The following C3orf22 variants were observed in gnomAD, a reference collection of about 807,000 sequenced individuals.
C3orf22 encodes chromosome 3 open reading frame 22.
Under a neutral mutation model 10.8 loss-of-function variants are expected in C3orf22, and 7 were observed. The ratio of observed to expected loss-of-function variants is 0.65; its 90% confidence interval spans 0.37 to 1.22. The LOEUF is 1.22. Ranked by LOEUF, C3orf22 falls within the 50% of genes most tolerant of loss-of-function variation. The pLI, the probability that C3orf22 is intolerant of heterozygous loss-of-function variation, is 0.02. For synonymous variants in C3orf22, 79 were observed against 78.9 expected (o/e 1.00, Z 0.00); for missense variants, 173 against 177.0 (o/e 0.98, Z 0.13).
At chr3:126,556,016 G>C (rs576106114) in intron 1 of C3orf22, among the ~76,000 whole-genome samples, 1 of 152,234 alleles carries the variant, frequency 6.6e-6, no homozygotes, top group Non-Finnish European at 1.5e-5. Context: ...ACCACACCCT[G>C]TCCCATCCTA....
chr3:126,531,138 C>T (rs891878992), intron 4 of C3orf22, among the ~76,000 whole-genome samples: 3 of 152,300 alleles, frequency 2.0e-5, no homozygotes, highest in African/African-American at 7.2e-5. Context: ...GGTGTCAAAG[C>T]ACGCTCCCAG....
chr3:126,550,998 G>C (rs79473058), intron 3 of C3orf22, among the ~76,000 whole-genome samples: 1 of 152,244 alleles, frequency 6.6e-6, no homozygotes, highest in Non-Finnish European at 1.5e-5. Context: ...GCTTCAGCTC[G>C]GCGATGTGGG....
rs781562956 is a variant in C3orf22, at chr3:126,542,429, C to T, written c.286+7108G>A. 1.4e-5 allele frequency: 22 copies of T among 1,554,790 alleles called. No individual in the cohort carries two copies. The highest frequency in any genetic ancestry group is 1.7e-5 in the Non-Finnish European group (20 of 1,152,992). ...CGACCTGAGCTTCCCTGGGCCGCCG[C>T]GGCCCCGGGGAGCCGCCGCCTCCCG... On this transcript the variant is annotated intron_variant and NMD_transcript_variant, in intron 4 of 5. Coordinates refer to the C3orf22 transcript ENST00000505070.
chr3:126,534,584 G>C (rs1238228870), intron 4 of C3orf22, among the ~76,000 whole-genome samples: 3 of 150,670 alleles, frequency 2.0e-5, no homozygotes, highest in Non-Finnish European at 4.4e-5. Flanking sequence ...GACACACACA[G>C]AGAGCATCTC....
intron 1 of C3orf22, among the ~76,000 whole-genome samples, chr3:126,557,139 C>T (rs1218574534): frequency 6.6e-6 from 1 of 152,152 alleles, no homozygotes; most frequent in Non-Finnish European, 1.5e-5. Context: ...CAGACTCACA[C>T]TCAGACCTGA....
chr3:126,530,057 C>A (rs1349419189), intron 4 of C3orf22, among the ~76,000 whole-genome samples: 6 of 152,198 alleles, frequency 3.9e-5, no homozygotes, highest in Admixed American at 3.9e-4. Flanking sequence ...CTGTTTGGGG[C>A]CAGCCCCCAG....
In C3orf22 at chr3:126,542,081, T is replaced by C. The variant is rs761634639; in HGVS notation, c.286+7456A>G. The C allele has an allele frequency of 2.5e-6, 4 of 1,584,104 alleles. No homozygotes were observed. The African/African-American group carries it at 4.1e-5, about 16-fold the overall frequency. On this transcript the variant is annotated intron_variant and NMD_transcript_variant, in intron 4 of 5. Coordinates refer to the C3orf22 transcript ENST00000505070. ...GGCCTTCCTGTTCGTGCGGGAGCCC[T>C]TCGAGCGCCTGGCATCGGCTTACCG...
chr3:126,547,776 T>A (rs4679125), downstream of C3orf22, among the ~76,000 whole-genome samples: 1 of 152,098 alleles, frequency 6.6e-6, no homozygotes. Flanking sequence ...TATCATGGGT[T>A]GGGGAGGGGA....
chr3:126,541,376 GCCTCCTGC>G, intron 4 of C3orf22, among the ~76,000 whole-genome samples: 1 of 152,176 alleles, frequency 6.6e-6, no homozygotes, highest in East Asian at 1.9e-4. Flanking sequence ...TTCTTATGCA[GCCTCCTGC>G]TTTTAGTAAA....
intron 1 of C3orf22, 27 bp from the exon 2 acceptor site, chr3:126,553,457 G>T (rs1392831633): frequency 1.6e-5 from 23 of 1,395,822 alleles, no homozygotes; most frequent in African/African-American, 1.4e-5. Flanking sequence ...GGCGTCAGAG[G>T]GGGCAGGGGT....
intron 4 of C3orf22, among the ~76,000 whole-genome samples, chr3:126,530,079 A>C (rs3732537): frequency 0.057 from 8,702 of 152,292 alleles, 272 homozygotes; most frequent in South Asian, 0.11. Flanking sequence ...TGGCCAAGTC[A>C]GGATTGGACC....
exon 5 of C3orf22, chr3:126,529,299 CT>C: frequency 3.1e-6 from 4 of 1,287,344 alleles, no homozygotes; most frequent in Non-Finnish European, 4.1e-6. Context: ...ATCGCATGGC[CT>C]TGAGCAGCTC....
chr3:126,536,131 C>A, intron 4 of C3orf22: 1 of 658,590 alleles, frequency 1.5e-6, no homozygotes. Context: ...CTCCACCAAG[C>A]CCCTAGGAGG....
Position 126,533,355 on chromosome 3 carries a change from G to A in C3orf22, c.287-3983C>T, listed in dbSNP as rs75191228. ...GTCTTTCACTATTAAGTTATCTGAGGGTTTTTCGTTGATGCCCTTTATCAG... is the reference window on the plus strand; with the variant it reads ...GTCTTTCACTATTAAGTTATCTGAGAGTTTTTCGTTGATGCCCTTTATCAG... On this transcript the variant is annotated intron_variant and NMD_transcript_variant, in intron 4 of 5. Coordinates refer to the C3orf22 transcript ENST00000505070. 1.3e-4 allele frequency among the ~76,000 whole-genome samples: 20 copies of A among 152,164 alleles called. No individual in the cohort carries two copies. In the East Asian group the frequency reaches 3.9e-3, roughly 29 times the overall value.
At chr3:126,553,945 T>C (rs192139633) in intron 1 of C3orf22, among the ~76,000 whole-genome samples, 18 of 152,228 alleles carry the variant, frequency 1.2e-4, no homozygotes, top group African/African-American at 4.3e-4. Flanking sequence ...CAGATGTAAG[T>C]TTTTGCATGA....
chr3:126,539,617 C>T (rs1311540526), intron 4 of C3orf22, among the ~76,000 whole-genome samples: 14 of 142,480 alleles, frequency 9.8e-5, no homozygotes, highest in African/African-American at 2.6e-4. Flanking sequence ...CCACACCACA[C>T]ACACAGCACA....
At chr3:126,550,744 C>T (rs1937163142) in intron 3 of C3orf22, among the ~76,000 whole-genome samples, 1 of 152,192 alleles carries the variant, frequency 6.6e-6, no homozygotes, top group Non-Finnish European at 1.5e-5. Context: ...GGGACCAACT[C>T]CCTGCTGTGG....
At chr3:126,542,432 C>T (rs1177269058) in intron 4 of C3orf22, 4 of 1,557,460 alleles carry the variant, frequency 2.6e-6, no homozygotes, top group East Asian at 2.5e-5. Context: ...GCCGCCGCGG[C>T]CCCGGGGAGC....
intron 1 of C3orf22, among the ~76,000 whole-genome samples, chr3:126,557,575 G>A (rs577223032): frequency 3.6e-4 from 55 of 152,322 alleles, no homozygotes; most frequent in East Asian, 2.3e-3. Context: ...GGCCCGAGGC[G>A]GGAGGCTGCA....
Sources: allele counts gnomAD v4.1 joint callset (sites outside exome capture counted in the v4.1 genomes callset), GRCh38; gene constraint gnomAD v4.1.1; transcripts MANE v1.5; gene names NCBI Gene and HGNC (gene_info 2026-07-23, HGNC 2026-07-21).